The following NCOR2 variants were observed in gnomAD, a reference collection of about 807,000 sequenced individuals.
NCOR2 encodes the protein nuclear receptor corepressor 2, also known as CTG repeat protein 26.
Under a neutral mutation model 262.9 loss-of-function variants are expected in NCOR2, and 81 were observed. The observed-to-expected ratio is 0.31, with a 90% CI of 0.26 to 0.37. The LOEUF (loss-of-function observed/expected upper bound fraction) is 0.37, where lower values mean the gene tolerates loss of function less well. Among genes scored for constraint, NCOR2 ranks in the 10% least tolerant of loss-of-function variants. The probability of loss-of-function intolerance (pLI) is 1.00; values close to 1 mark genes in which losing one functional copy is unlikely to be tolerated. For synonymous variants in NCOR2, 1,659 were observed against 1,559.3 expected, an observed-to-expected ratio of 1.06 and a Z score of -1.51; for missense variants, 3,385 against 3,621.4, an observed-to-expected ratio of 0.93 and a Z score of 1.68.
chr12:124,542,758 C>T (rs1057104012), intron 1 of NCOR2: 14 of 152,358 alleles, frequency 9.2e-5, no homozygotes, highest in African/African-American at 7.2e-5. Flanking sequence ...CGGGGTCCAC[C>T]GGATACATCT....
intron 33 of NCOR2, 39 bp downstream of exon 35, chr12:124,342,966 A>G: frequency 2.5e-6 from 4 of 1,603,122 alleles, no homozygotes; most frequent in Non-Finnish European, 1.7e-6. Flanking sequence ...GGCCCTGTTC[A>G]GCACCACTGC....
chr12:124,394,275 G>A (rs1280866234), intron 16 of NCOR2, among the ~76,000 whole-genome samples: 2 of 152,200 alleles, frequency 1.3e-5, no homozygotes, highest in Non-Finnish European at 2.9e-5. Context: ...CTGAGAGAAC[G>A]ATGGTAACTG....
intron 13 of NCOR2, among the ~76,000 whole-genome samples, chr12:124,406,921 CCTT>C (rs1270914028): frequency 6.6e-6 from 1 of 152,224 alleles, no homozygotes; most frequent in South Asian, 2.1e-4. Flanking sequence ...TTTGATGAGG[CCTT>C]CTTCTCCTAA....
upstream of NCOR2, among the ~76,000 whole-genome samples, chr12:124,499,736 G>A (rs1057455671): frequency 7.9e-5 from 12 of 152,188 alleles, no homozygotes; most frequent in African/African-American, 2.9e-4. Flanking sequence ...CCATGGGCCC[G>A]GGTAAGGATG....
intron 22 of NCOR2, among the ~76,000 whole-genome samples, chr12:124,359,253 G>C (rs186120780): frequency 3.5e-4 from 54 of 152,342 alleles, no homozygotes; most frequent in African/African-American, 1.2e-3. Context: ...GAATGACGGA[G>C]CCCTCTGGGT....
intron 44 of NCOR2, among the ~76,000 whole-genome samples, 178 bp from the exon 47 acceptor site, chr12:124,327,811 C>T (rs2034817709): frequency 2.6e-5 from 4 of 152,006 alleles, no homozygotes; most frequent in Admixed American, 2.0e-4. Flanking sequence ...CTATCCCTCC[C>T]CACCCTTTTT....
chr12:124,524,721 C>A (rs1224266060), intron 1 of NCOR2, among the ~76,000 whole-genome samples: 2 of 152,336 alleles, frequency 1.3e-5, no homozygotes, highest in East Asian at 3.9e-4. Flanking sequence ...TAACTAATCA[C>A]CCCCAGGTCT....
chr12:124,391,030 G>A (rs1265549132), intron 16 of NCOR2, among the ~76,000 whole-genome samples: 2 of 152,248 alleles, frequency 1.3e-5, no homozygotes, highest in African/African-American at 2.4e-5. Context: ...CATGCCATCC[G>A]CGGGCCCATG....
At chr12:124,362,199 G>A (rs374201637) in exon 22 of NCOR2, 38 of 1,309,622 alleles carry the variant, frequency 2.9e-5, no homozygotes, top group East Asian at 5.5e-5. Context: ...GAGGGGCGTC[G>A]CTCTCCGGCT....
intron 37 of NCOR2, 95 bp downstream of exon 39, chr12:124,339,911 C>CAAAAAA: frequency 1.3e-5 from 14 of 1,090,120 alleles, no homozygotes; most frequent in East Asian, 2.6e-5. Flanking sequence ...ACCCACCTCC[C>CAAAAAA]ATATACCTCC....
chr12:124,476,157 G>A (rs1426136603), intron 3 of NCOR2, among the ~76,000 whole-genome samples: 2 of 152,184 alleles, frequency 1.3e-5, no homozygotes, highest in African/African-American at 2.4e-5. Flanking sequence ...CAGCTCATGC[G>A]TCTGGCACCC....
chr12:124,466,378 C>A (rs2046418113), intron 4 of NCOR2, 92 bp from the exon 7 acceptor site: 2 of 1,157,670 alleles, frequency 1.7e-6, no homozygotes, highest in African/African-American at 1.6e-5. Context: ...CCCTTGCAGC[C>A]CGGGCCACGG....
chr12:124,560,366 G>A (rs1025472073), intron 1 of NCOR2, among the ~76,000 whole-genome samples: 1 of 152,188 alleles, frequency 6.6e-6, no homozygotes, highest in African/African-American at 2.4e-5. Context: ...TATGGACACC[G>A]AAATTTGCAT....
intron 12 of NCOR2, among the ~76,000 whole-genome samples, chr12:124,420,683 A>T (rs2043155717): frequency 6.6e-6 from 1 of 152,198 alleles, no homozygotes; most frequent in African/African-American, 2.4e-5. Flanking sequence ...GCCAAATGGG[A>T]CGAGTAAAAG....
intron 1 of NCOR2, among the ~76,000 whole-genome samples, chr12:124,552,335 A>T (rs1006200690): frequency 2.0e-5 from 3 of 151,912 alleles, no homozygotes; most frequent in African/African-American, 7.3e-5. Context: ...AAAAACCACT[A>T]AAGAAGAGAA....
chr12:124,333,258 C>T (rs779695599), exon 42 of NCOR2: 17 of 1,609,986 alleles, frequency 1.1e-5, no homozygotes, highest in South Asian at 3.3e-5. Context: ...CCAAGACCGA[C>T]GTCTTGTTTG....
At chr12:124,339,892 T>TCCCCCCCC in intron 37 of NCOR2, 114 bp downstream of exon 39, 4 of 672,808 alleles carry the variant, frequency 5.9e-6, no homozygotes, top group Admixed American at 2.5e-5. Context: ...CCCACACATC[T>TCCCCCCCC]GCCCACCCAC....
In NCOR2 at chr12:124,481,941, G is replaced by A. The variant is rs532934587; in HGVS notation, c.411+1655C>T. The stretch of plus-strand genomic sequence containing the variant: ...GAGCAATGACGAGCTCAGGCCGGGG[G>A]TTGCCTCAGGTGTGGGCAGAAGGCT... On this transcript the variant is annotated intron_variant, in intron 3 of 46. Transcript: ENST00000405201. This position sits in a 1 kb window ranked among gnomAD's most constrained non-coding sequence, Gnocchi z 4.6. 6.6e-6 allele frequency among the ~76,000 whole-genome samples: 1 copy of A among 152,250 alleles called. No individual in the cohort carries two copies. Among genetic ancestry groups the A allele is most frequent in the Non-Finnish European group, 1.5e-5 (1 of 68,010 alleles).
upstream of NCOR2, among the ~76,000 whole-genome samples, chr12:124,497,467 T>TTTA (rs535546071): frequency 1.9e-4 from 29 of 152,366 alleles, no homozygotes; most frequent in East Asian, 5.4e-3. The surrounding 1 kb of genome is among the most constrained non-coding windows in gnomAD (Gnocchi z 4.2). Flanking sequence ...GTAGGGACTT[T>TTTA]TTTATAGAGA....
Sources: allele counts gnomAD v4.1 joint callset (sites outside exome capture counted in the v4.1 genomes callset), GRCh38; gene constraint gnomAD v4.1.1; non-coding constraint Gnocchi (gnomAD v3.1); transcripts MANE v1.5; gene names NCBI Gene and HGNC (gene_info 2026-07-23, HGNC 2026-07-21).